The following EXT1 variants were observed in gnomAD, a reference collection of about 807,000 sequenced individuals.
EXT1 encodes exostosin glycosyltransferase 1.
Under a neutral mutation model 82.5 loss-of-function variants are expected in EXT1, and 20 were observed. The observed-to-expected ratio is 0.24, with a 90% CI of 0.17 to 0.35. EXT1 has a LOEUF of 0.35. EXT1 is among the 10% of genes least tolerant of loss of function. The pLI is 1.00. For missense variants in EXT1, 757 were observed against 936.5 expected, an observed-to-expected ratio of 0.81 and a Z score of 2.50; for synonymous variants, 348 against 350.8, an observed-to-expected ratio of 0.99 and a Z score of 0.09.
intron 10 of EXT1, among the ~76,000 whole-genome samples, chr8:117,800,820 C>T (rs967278246): frequency 6.6e-6 from 1 of 152,186 alleles, no homozygotes; most frequent in African/African-American, 2.4e-5. Flanking sequence ...ATTTTTAGAT[C>T]ATGCAAATGA....
intron 1 of EXT1, among the ~76,000 whole-genome samples, chr8:118,008,154 G>T (rs541705517): frequency 3.9e-5 from 6 of 152,308 alleles, no homozygotes; most frequent in South Asian, 2.1e-4. Context: ...CCACTTGTGA[G>T]TGAGAACATG....
chr8:117,861,791 C>T (rs1439241645), intron 1 of EXT1, among the ~76,000 whole-genome samples: 1 of 144,584 alleles, frequency 6.9e-6, no homozygotes, highest in African/African-American at 2.4e-5. Flanking sequence ...CCACTGCACC[C>T]GGCCTTGAAG....
chr8:118,066,658 G>T (rs1474742690), intron 1 of EXT1, among the ~76,000 whole-genome samples: 2 of 152,100 alleles, frequency 1.3e-5, no homozygotes, highest in African/African-American at 4.8e-5. Context: ...ACAGCGCCAG[G>T]CCCAGCTTGC....
intron 1 of EXT1, among the ~76,000 whole-genome samples, chr8:118,109,070 C>T (rs1817844875): frequency 6.6e-6 from 1 of 152,130 alleles, no homozygotes; most frequent in Non-Finnish European, 1.5e-5. Context: ...GGAAACTGGT[C>T]CACCAAGCTC....
chr8:118,002,283 AG>A (rs1815681371), intron 1 of EXT1, among the ~76,000 whole-genome samples: 1 of 151,088 alleles, frequency 6.6e-6, no homozygotes, highest in South Asian at 2.1e-4. Context: ...TGGGAGGCTG[AG>A]ACAGGAGAAC....
intron 1 of EXT1, among the ~76,000 whole-genome samples, chr8:117,875,254 T>TA (rs1812947591): frequency 6.6e-6 from 1 of 151,844 alleles, no homozygotes; most frequent in Non-Finnish European, 1.5e-5. Flanking sequence ...CCATCTCTGC[T>TA]AAAAATATAA....
chr8:118,009,570 G>A (rs1174246013), intron 1 of EXT1, among the ~76,000 whole-genome samples: 2 of 152,160 alleles, frequency 1.3e-5, no homozygotes, highest in African/African-American at 4.8e-5. Flanking sequence ...GCAGCAGACC[G>A]ACCCTAGTCC....
At chr8:117,932,441 G>A (rs750604230) in intron 1 of EXT1, among the ~76,000 whole-genome samples, 1 of 152,120 alleles carries the variant, frequency 6.6e-6, no homozygotes, top group Non-Finnish European at 1.5e-5. Context: ...GAGTCTGGGG[G>A]CAGGAAGGGA....
At chr8:117,817,055 G>C (rs1422880537) in intron 7 of EXT1, among the ~76,000 whole-genome samples, 1 of 152,136 alleles carries the variant, frequency 6.6e-6, no homozygotes, top group Non-Finnish European at 1.5e-5. Context: ...TTGTGAGAGA[G>C]GCATGTGATT....
chr8:118,022,354 T>TG (rs1486817463), intron 1 of EXT1, among the ~76,000 whole-genome samples: 1 of 133,036 alleles, frequency 7.5e-6, no homozygotes, highest in Non-Finnish European at 1.5e-5. Flanking sequence ...TTTTTTTTTT[T>TG]TGAGATGGAG....
intron 1 of EXT1, among the ~76,000 whole-genome samples, chr8:118,093,110 G>C (rs1817550504): frequency 6.6e-6 from 1 of 151,924 alleles, no homozygotes; most frequent in African/African-American, 2.4e-5. Context: ...TGAACTAGAA[G>C]AAAGAAATTT....
rs143137047 is a variant in EXT1 at position 117,973,639 on chromosome 8, C to T, written c.963-136438G>A. Among the ~76,000 whole-genome samples the T allele has an allele frequency of 6.6e-5, 10 of 151,792 alleles. No individual in the cohort carries two copies. The East Asian group carries it at 1.7e-3, about 27-fold the overall frequency. On this transcript the variant is annotated intron_variant, in intron 1 of 10. Coordinates refer to ENST00000378204, the MANE Select transcript of EXT1 (RefSeq NM_000127.3). ...AAACATTTCCTGGGCATGGTGGTGT[C>T]TGCCTGTAGTCCTAGCTACTCAGGA...
intron 1 of EXT1, among the ~76,000 whole-genome samples, chr8:117,947,797 T>C (rs1351801482): frequency 1.3e-5 from 2 of 152,168 alleles, no homozygotes; most frequent in African/African-American, 2.4e-5. Flanking sequence ...CACAACCCTA[T>C]TGGAAGCAAA....
chr8:118,042,694 T>G (rs1312175546), intron 1 of EXT1, among the ~76,000 whole-genome samples: 1 of 152,216 alleles, frequency 6.6e-6, no homozygotes, highest in Non-Finnish European at 1.5e-5. Flanking sequence ...ATACCTGGTA[T>G]ATTTCCATTC....
At chr8:118,091,602 G>A (rs1429205947) in intron 1 of EXT1, among the ~76,000 whole-genome samples, 7 of 152,142 alleles carry the variant, frequency 4.6e-5, no homozygotes, top group South Asian at 2.1e-4. Flanking sequence ...AAAATTAGCC[G>A]GGCATGGTGG....
At chr8:117,881,311 A>C (rs559742808) in intron 1 of EXT1, among the ~76,000 whole-genome samples, 1 of 152,230 alleles carries the variant, frequency 6.6e-6, no homozygotes, top group Non-Finnish European at 1.5e-5. Flanking sequence ...GAACTTCAAA[A>C]AAAAGAATAT....
rs554878273 is a variant in EXT1 at position 117,943,781 on chromosome 8, G to A, written c.963-106580C>T. Among the ~76,000 whole-genome samples, 4 of 152,348 alleles carry A rather than the reference G, an allele frequency of 2.6e-5. No homozygotes were observed. The South Asian group carries it at 6.2e-4, about 24-fold the overall frequency. On this transcript the variant is annotated intron_variant, in intron 1 of 10. Transcript: ENST00000378204. ...AAATAACCTTTAGATATTGGGGCAG[G>A]AAGTGCGTAGCTGGGATGTGATATT... is the stretch of plus-strand genomic sequence containing the variant.
chr8:117,963,367 T>C (rs7834892), intron 1 of EXT1, among the ~76,000 whole-genome samples: 58,170 of 152,054 alleles, frequency 0.38, 14,296 homozygotes, highest in African/African-American at 0.7. Flanking sequence ...GGACTCTCTC[T>C]CCTGTATTAA....
At chr8:118,051,083 C>T (rs1356461270) in intron 1 of EXT1, among the ~76,000 whole-genome samples, 1 of 152,158 alleles carries the variant, frequency 6.6e-6, no homozygotes, top group African/African-American at 2.4e-5. Flanking sequence ...CGTCTATAAT[C>T]CCAGCACTTT....
Sources: allele counts gnomAD v4.1 joint callset (sites outside exome capture counted in the v4.1 genomes callset), GRCh38; gene constraint gnomAD v4.1.1; transcripts MANE v1.5; gene names NCBI Gene and HGNC (gene_info 2026-07-23, HGNC 2026-07-21).